The following TNFSF4 variants were observed in gnomAD, a reference collection of about 807,000 sequenced individuals.
TNFSF4 encodes the protein TNF superfamily member 4.
In TNFSF4, 4 loss-of-function variants were observed where a neutral mutation model predicts 7.3. That is an observed-to-expected ratio of 0.55 (90% confidence interval 0.27 to 1.25). TNFSF4 has a LOEUF of 1.25. TNFSF4 is among the 50% of genes most tolerant of loss of function. The pLI is 0.12. For synonymous variants in TNFSF4, 76 were observed against 83.7 expected, an observed-to-expected ratio of 0.91 and a Z score of 0.50; for missense variants, 181 against 208.8, an observed-to-expected ratio of 0.87 and a Z score of 0.82.
At chr1:173,409,048 C>A in the TNFSF4 span, among the ~76,000 whole-genome samples, 1 of 152,112 alleles carries the variant, frequency 6.6e-6, no homozygotes, top group Non-Finnish European at 1.5e-5. Context: ...AAATTGTGCA[C>A]CACCTGTAGG....
the TNFSF4 span, among the ~76,000 whole-genome samples, chr1:173,391,310 G>GTCTC: frequency 0.052 from 6,849 of 132,228 alleles, 397 homozygotes; most frequent in African/African-American, 0.14. Context: ...CTTTCTTTCT[G>GTCTC]TCTCTCTCTC....
At chr1:173,379,971 A>G in the TNFSF4 span, among the ~76,000 whole-genome samples, 1,612 of 152,308 alleles carry the variant, frequency 0.011, 22 homozygotes, top group Middle Eastern at 0.017. Context: ...GAGTGTGCCC[A>G]GGGCAAGCGC....
At chr1:173,324,901 A>G in the TNFSF4 span, among the ~76,000 whole-genome samples, 1 of 152,238 alleles carries the variant, frequency 6.6e-6, no homozygotes, top group Non-Finnish European at 1.5e-5. Context: ...TTAGACTCCC[A>G]CACAATATTA....
At chr1:173,280,783 T>C in the TNFSF4 span, among the ~76,000 whole-genome samples, 1 of 152,146 alleles carries the variant, frequency 6.6e-6, no homozygotes. Flanking sequence ...CAGATCTCAT[T>C]GACTGGTGTT....
At chr1:173,292,398 TA>T in the TNFSF4 span, among the ~76,000 whole-genome samples, 3 of 152,144 alleles carry the variant, frequency 2.0e-5, no homozygotes, top group African/African-American at 7.2e-5. Flanking sequence ...ATCATCTCAA[TA>T]GATGCAGAAA....
the TNFSF4 span, among the ~76,000 whole-genome samples, chr1:173,424,436 G>A: frequency 2.0e-5 from 3 of 152,208 alleles, no homozygotes; most frequent in African/African-American, 4.8e-5. Flanking sequence ...TGCTACTAGT[G>A]CTTATCACTT....
downstream of TNFSF4, among the ~76,000 whole-genome samples, chr1:173,181,471 A>G (rs1649054849): frequency 6.6e-6 from 1 of 152,200 alleles, no homozygotes; most frequent in Admixed American, 6.5e-5. Context: ...CTGTTCCCTC[A>G]GTAGATAAGC....
At chr1:173,429,268 A>G in the TNFSF4 span, among the ~76,000 whole-genome samples, 1 of 152,150 alleles carries the variant, frequency 6.6e-6, no homozygotes, top group African/African-American at 2.4e-5. Flanking sequence ...ATTTTTCCAA[A>G]AGAGAGAAAA....
chr1:173,383,496 C>T, the TNFSF4 span, among the ~76,000 whole-genome samples: 7 of 152,284 alleles, frequency 4.6e-5, no homozygotes, highest in Non-Finnish European at 8.8e-5. Context: ...GTTTGTATAG[C>T]TTGGGATTCA....
the TNFSF4 span, among the ~76,000 whole-genome samples, chr1:173,352,836 G>A: frequency 2.6e-5 from 4 of 152,158 alleles, no homozygotes; most frequent in African/African-American, 9.7e-5. Context: ...ATCTGTAACT[G>A]CATAAGGCGG....
the TNFSF4 span, among the ~76,000 whole-genome samples, chr1:173,244,641 CA>C: frequency 1.6e-5 from 1 of 62,432 alleles, no homozygotes; most frequent in African/African-American, 7.8e-5. Flanking sequence ...GACTCTGTCT[CA>C]AAAAAAAACA....
At chr1:173,406,605 CTTAA>C in the TNFSF4 span, among the ~76,000 whole-genome samples, 30 of 152,138 alleles carry the variant, frequency 2.0e-4, no homozygotes, top group African/African-American at 6.8e-4. Context: ...TTGCTATGTT[CTTAA>C]TTATTATACT....
At chr1:173,289,412 A>T in the TNFSF4 span, among the ~76,000 whole-genome samples, 7 of 152,216 alleles carry the variant, frequency 4.6e-5, no homozygotes, top group African/African-American at 1.2e-4. Flanking sequence ...AAACTGATCC[A>T]CAAGTAATTT....
the TNFSF4 span, among the ~76,000 whole-genome samples, chr1:173,365,803 G>A: frequency 3.9e-5 from 6 of 152,082 alleles, no homozygotes; most frequent in African/African-American, 1.2e-4. Context: ...ATGTTTTGGG[G>A]TATGATCTGC....
chr1:173,241,975 G>A, the TNFSF4 span, among the ~76,000 whole-genome samples: 1 of 152,194 alleles, frequency 6.6e-6, no homozygotes, highest in Admixed American at 6.5e-5. Context: ...CTTACAGCCA[G>A]GCCTTTGGGG....
chr1:173,387,713 T>A, the TNFSF4 span, among the ~76,000 whole-genome samples: 1 of 152,180 alleles, frequency 6.6e-6, no homozygotes, highest in Non-Finnish European at 1.5e-5. Flanking sequence ...ATATCAGGTT[T>A]TTAGAGCTGA....
the TNFSF4 span, among the ~76,000 whole-genome samples, chr1:173,393,273 C>T: frequency 1.3e-5 from 2 of 152,250 alleles, no homozygotes; most frequent in African/African-American, 4.8e-5. Flanking sequence ...CATGTCCTTG[C>T]TTCCTAACTC....
the TNFSF4 span, among the ~76,000 whole-genome samples, chr1:173,227,304 T>G: frequency 6.6e-6 from 1 of 152,206 alleles, no homozygotes; most frequent in African/African-American, 2.4e-5. Flanking sequence ...GCATTATAAT[T>G]ATTGTTATTT....
the TNFSF4 span, among the ~76,000 whole-genome samples, chr1:173,398,145 G>A: frequency 6.6e-6 from 1 of 152,132 alleles, no homozygotes; most frequent in Admixed American, 6.5e-5. Context: ...AACCTCAGGG[G>A]TCTGGTCTCT....
Sources: allele counts gnomAD v4.1 joint callset (sites outside exome capture counted in the v4.1 genomes callset), GRCh38; gene constraint gnomAD v4.1.1; transcripts MANE v1.5; gene names NCBI Gene and HGNC (gene_info 2026-07-23, HGNC 2026-07-21).